L3HYPDH: variants seen among roughly 807,000 people sequenced by gnomAD.
The protein encoded by L3HYPDH is trans-3-hydroxy-L-proline dehydratase.
Under a neutral mutation model 26.5 loss-of-function variants are expected in L3HYPDH, and 32 were observed. The observed-to-expected ratio is 1.21, with a 90% CI of 0.91 to 1.62. L3HYPDH has a LOEUF of 1.62. Ranked by LOEUF, L3HYPDH falls within the 40% of genes most tolerant of loss-of-function variation. The pLI, the probability that L3HYPDH is intolerant of heterozygous loss-of-function variation, is 0.00. For synonymous variants in L3HYPDH, 215 were observed against 196.6 expected (o/e 1.09, Z -0.78); for missense variants, 554 against 476.4 (o/e 1.16, Z -1.52).
chr14:59,473,236 A>T, intron 4 of L3HYPDH, 146 bp from the exon 5 acceptor site: 1 of 621,098 alleles, frequency 1.6e-6, no homozygotes, highest in Non-Finnish European at 2.6e-6. Flanking sequence ...GGAGAATGAC[A>T]TGGTCAGACT....
chr14:59,494,192 T>C, the L3HYPDH span, among the ~76,000 whole-genome samples: 5 of 151,426 alleles, frequency 3.3e-5, no homozygotes, highest in Non-Finnish European at 5.9e-5. Flanking sequence ...TTTAAACTGC[T>C]AAGTAGAAAA....
downstream of L3HYPDH, among the ~76,000 whole-genome samples, chr14:59,471,751 G>A (rs1218106752): frequency 6.6e-6 from 1 of 152,100 alleles, no homozygotes; most frequent in East Asian, 1.9e-4. Flanking sequence ...GAGATTTGGA[G>A]GGAAAATACT....
chr14:59,471,131 A>G (rs1889301426), downstream of L3HYPDH, among the ~76,000 whole-genome samples: 1 of 152,118 alleles, frequency 6.6e-6, no homozygotes, highest in African/African-American at 2.4e-5. Context: ...GATTTCCCTA[A>G]TGTTTTTTAG....
chr14:59,484,582 G>T, upstream of L3HYPDH: 2 of 1,576,376 alleles, frequency 1.3e-6, no homozygotes, highest in East Asian at 2.3e-5. Context: ...AAAACCTTCA[G>T]GCGGCCCATG....
Position 59,484,280 on chromosome 14 carries a change from GC to G in L3HYPDH, c.36del (p.His13MetfsTer68), listed in dbSNP as rs751248758. On this transcript the variant is annotated frameshift_variant, in exon 1 of 5. Transcript: ENST00000247194. LOFTEE classifies it high-confidence loss of function. ...ESALAVPRLPPHDPGTPVLSV... is the reference protein window; with the variant it reads ...ESALAVPRLPXHDPGTPVLSV... ...GACAGCACCGGCGTCCCTGGATCAT[GC>G]GGGGGCAGCCGGGGCACCGCCAGCG... 8.5e-5 allele frequency: 136 copies of G among 1,594,918 alleles called. 1 individual carries two copies. Among genetic ancestry groups the G allele is most frequent in the Admixed American group, 7.7e-4 (46 of 59,778 alleles).
chr14:59,492,463 A>G, the L3HYPDH span, among the ~76,000 whole-genome samples: 1 of 152,326 alleles, frequency 6.6e-6, no homozygotes, highest in Middle Eastern at 3.4e-3. Context: ...TAACAATTCC[A>G]TGAACTTCTG....
the L3HYPDH span, among the ~76,000 whole-genome samples, chr14:59,490,105 A>G: frequency 1.3e-5 from 2 of 151,882 alleles, no homozygotes; most frequent in Non-Finnish European, 2.9e-5. Flanking sequence ...TATATTTTGT[A>G]GAGACAGGGT....
downstream of L3HYPDH, among the ~76,000 whole-genome samples, chr14:59,472,001 T>C (rs1889324701): frequency 6.6e-6 from 1 of 152,216 alleles, no homozygotes; most frequent in African/African-American, 2.4e-5. Context: ...ATACAGACTC[T>C]CTGGGTGATA....
At chr14:59,484,969 C>T, upstream of L3HYPDH, 1 of 1,546,362 alleles carries the variant, frequency 6.5e-7, no homozygotes, top group South Asian at 1.2e-5. Context: ...AATTTGTCTA[C>T]TGCTTCAACC....
At chr14:59,494,976 A>C in the L3HYPDH span, 3 of 1,387,336 alleles carry the variant, frequency 2.2e-6, no homozygotes, top group Non-Finnish European at 3.1e-6. Flanking sequence ...CCATTTAAAT[A>C]TTGCAATTTT....
intron 1 of L3HYPDH, among the ~76,000 whole-genome samples, chr14:59,467,481 G>GCTTC (rs1452483387): frequency 6.6e-6 from 1 of 152,102 alleles, no homozygotes; most frequent in Non-Finnish European, 1.5e-5. Context: ...GCACTCTTCT[G>GCTTC]CTTCCTTCCT....
At chr14:59,502,755 T>TGTTTTTTTTTCTTTGTTTTTGTTTTG in the L3HYPDH span, among the ~76,000 whole-genome samples, 10 of 122,916 alleles carry the variant, frequency 8.1e-5, no homozygotes, top group African/African-American at 2.7e-4. Context: ...ATGAGATTTT[T>TGTTTTTTTTTCTTTGTTTTTGTTTTG]TTTTTTTTTT....
Position 59,479,204 on chromosome 14 carries a change from A to G in L3HYPDH, c.656T>C (p.Val219Ala), listed in dbSNP as rs974547647. Residue 219 changes from valine to alanine, a missense_variant, in exon 2 of 5, where the codon GTG becomes GCG. Val to Ala is a moderately conservative substitution (Grantham distance 64). Coordinates refer to ENST00000247194, the MANE Select transcript of L3HYPDH (RefSeq NM_144581.2). ...GACCTGAGCTTTCACTGCCTCTGTCACTGCACTCGCTGCATCCACAAGGTC... is the reference window on the plus strand; with the variant it reads ...GACCTGAGCTTTCACTGCCTCTGTCGCTGCACTCGCTGCATCCACAAGGTC... Reference protein sequence around the residue: ...TRDLVDAASAVTEAVKAQFKI... With the variant: ...TRDLVDAASAATEAVKAQFKI... 1.9e-6 allele frequency: 3 copies of G among 1,609,538 alleles called. No homozygotes were observed. The highest frequency in any genetic ancestry group is 2.5e-6 in the Non-Finnish European group (3 of 1,179,090).
At chr14:59,481,009 C>T (rs920323882) in intron 1 of L3HYPDH, among the ~76,000 whole-genome samples, 1 of 152,168 alleles carries the variant, frequency 6.6e-6, no homozygotes, top group Non-Finnish European at 1.5e-5. Context: ...GGCCACCAAT[C>T]CCGGGACCAG....
At chr14:59,498,592 C>T in the L3HYPDH span, 5 of 533,166 alleles carry the variant, frequency 9.4e-6, no homozygotes, top group South Asian at 1.3e-4. Flanking sequence ...CAGCTTTCCA[C>T]CAATCTGAAT....
At chr14:59,497,655 G>T in the L3HYPDH span, among the ~76,000 whole-genome samples, 1 of 152,116 alleles carries the variant, frequency 6.6e-6, no homozygotes, top group Non-Finnish European at 1.5e-5. Context: ...AGCTCTTAAG[G>T]AACTACAAGT....
chr14:59,490,851 G>T, the L3HYPDH span, among the ~76,000 whole-genome samples: 1 of 152,176 alleles, frequency 6.6e-6, no homozygotes. Context: ...CAGTAAAGAA[G>T]AGCTAACAGG....
the L3HYPDH span, chr14:59,505,211 T>C: frequency 7.9e-7 from 1 of 1,262,046 alleles, no homozygotes; most frequent in Non-Finnish European, 1.1e-6. Context: ...AGTCTGTCTT[T>C]TGAATTCACA....
At chr14:59,472,276 T>C (rs896675975), downstream of L3HYPDH, among the ~76,000 whole-genome samples, 9 of 152,258 alleles carry the variant, frequency 5.9e-5, no homozygotes, top group African/African-American at 2.2e-4. Flanking sequence ...CACTGCTTAA[T>C]TTCTACTGTA....
Sources: allele counts gnomAD v4.1 joint callset (sites outside exome capture counted in the v4.1 genomes callset), GRCh38; gene constraint gnomAD v4.1.1; transcripts MANE v1.5; gene names NCBI Gene and HGNC (gene_info 2026-07-23, HGNC 2026-07-21).